Variants in RNF157 observed in about 807,000 individuals in gnomAD.
RNF157 encodes the protein E3 ubiquitin ligase RNF157.
RNF157 carries 55 observed loss-of-function variants against 88.3 expected under a neutral mutation model. The observed-to-expected ratio is 0.62, with a 90% CI of 0.50 to 0.78. The LOEUF (loss-of-function observed/expected upper bound fraction) is 0.78, where lower values mean the gene tolerates loss of function less well. Among genes scored for constraint, RNF157 ranks in the 30% least tolerant of loss-of-function variants. The pLI is 0.00. For synonymous variants in RNF157, 334 were observed against 341.2 expected (o/e 0.98, Z 0.23); for missense variants, 788 against 860.8 (o/e 0.92, Z 1.06).
chr17:76,195,042 G>C lies in RNF157; in HGVS notation c.207+17322C>G, dbSNP rs2069456864. On this transcript the variant is annotated intron_variant, in intron 2 of 18. Coordinates refer to ENST00000269391, the MANE Select transcript of RNF157 (RefSeq NM_052916.3). The surrounding 1 kb of genome is among the most constrained non-coding windows in gnomAD (Gnocchi z 4.4). ...AAAAACAAAACAAAACACAAGAGCA[G>C]AGGGAATGGGAGAGGATATTATAAT... Among the ~76,000 whole-genome samples the C allele has an allele frequency of 6.6e-6, 1 of 152,052 alleles. No homozygotes were observed. The highest frequency in any genetic ancestry group is 1.5e-5 in the Non-Finnish European group (1 of 67,992).
At chr17:76,197,945 T>C (rs754599945) in intron 2 of RNF157, among the ~76,000 whole-genome samples, 80 of 152,154 alleles carry the variant, frequency 5.3e-4, no homozygotes, top group Non-Finnish European at 9.7e-4. Flanking sequence ...GGCTTGCAAA[T>C]AGCCCTCTCC....
chr17:76,168,642 C>A (rs1271234055), intron 3 of RNF157, among the ~76,000 whole-genome samples: 1 of 152,064 alleles, frequency 6.6e-6, no homozygotes, highest in Non-Finnish European at 1.5e-5. Flanking sequence ...TCTCTCTCCC[C>A]CTCCAACATC....
intron 2 of RNF157, among the ~76,000 whole-genome samples, chr17:76,194,930 G>A (rs1437860368): frequency 1.3e-5 from 2 of 152,126 alleles, no homozygotes; most frequent in Non-Finnish European, 2.9e-5. Context: ...CAGCAGAATG[G>A]CGTGAACCCG....
At chr17:76,211,101 G>A (rs1187766630) in intron 2 of RNF157, among the ~76,000 whole-genome samples, 1 of 152,218 alleles carries the variant, frequency 6.6e-6, no homozygotes, top group Non-Finnish European at 1.5e-5. Flanking sequence ...CACTGTGCCT[G>A]GCCCACCTTT....
intron 2 of RNF157, among the ~76,000 whole-genome samples, chr17:76,210,405 A>G (rs544607622): frequency 6.6e-6 from 1 of 151,814 alleles, no homozygotes; most frequent in East Asian, 2.0e-4. Context: ...CCTGGCTAAC[A>G]CAGTGAAACC....
intron 7 of RNF157, 95 bp downstream of exon 7, chr17:76,165,407 C>A: frequency 1.6e-6 from 2 of 1,269,980 alleles, no homozygotes; most frequent in Non-Finnish European, 2.3e-6. Flanking sequence ...CAGACCCATT[C>A]TGCTGAGCTC....
In RNF157 at chr17:76,142,632, A is replaced by C. The variant is rs2068531907; in HGVS notation, c.*2603T>G. On this transcript the variant is annotated 3_prime_UTR_variant, in exon 19 of 19. Coordinates refer to ENST00000269391, the MANE Select transcript of RNF157 (RefSeq NM_052916.3). ...ATACACATGCACACACCAGGTGTGCAGACCAAAGCAAAGTGAGCGACCAGC... is the reference window on the plus strand; with the variant it reads ...ATACACATGCACACACCAGGTGTGCCGACCAAAGCAAAGTGAGCGACCAGC... 1.3e-5 allele frequency: 2 copies of C among 152,534 alleles called. No homozygotes were observed. The highest frequency in any genetic ancestry group is 3.9e-4 in the East Asian group (2 of 5,190). The allele number at this position is 152,534 out of a possible 1,614,324, so 9.4% of individuals were successfully genotyped here.
rs150080490 is a variant in RNF157, at chr17:76,148,906, C to A, written c.1921+3449G>T. Among the ~76,000 whole-genome samples the A allele has an allele frequency of 7.9e-5, 12 of 152,298 alleles. No individual in the cohort carries two copies. In the East Asian group the frequency reaches 2.1e-3, roughly 27 times the overall value. The stretch of plus-strand genomic sequence containing the variant: ...TTTTCCATCACTGACTACCCCAGGG[C>A]CTTCATAGAACTATCACTTGCCACG... On this transcript the variant is annotated intron_variant, in intron 18 of 18. Transcript: ENST00000269391.
chr17:76,161,728 C>A lies in RNF157; in HGVS notation c.953-81G>T. 1 of 1,519,828 alleles carries A rather than the reference C, an allele frequency of 6.6e-7. No individual in the cohort carries two copies. Among genetic ancestry groups the A allele is most frequent in the Non-Finnish European group, 9.0e-7 (1 of 1,107,226 alleles). 94.1% of individuals were successfully genotyped at this position (1,519,828 alleles called of 1,614,324 possible). A position where few individuals can be genotyped will look rare whatever the true frequency, so the allele number is the denominator to read the frequency against. On this transcript the variant is annotated intron_variant, in intron 10 of 18. Coordinates refer to ENST00000269391, the MANE Select transcript of RNF157 (RefSeq NM_052916.3). This position sits in a 1 kb window ranked among gnomAD's most constrained non-coding sequence, Gnocchi z 4.6. ...AAGAGCCCAGACAGAAACCATGATC[C>A]CTCCCAGCGCGCATCCGTTTGTCAG...
At chr17:76,213,328 G>C (rs1323488813) in intron 1 of RNF157, among the ~76,000 whole-genome samples, 1 of 152,090 alleles carries the variant, frequency 6.6e-6, no homozygotes, top group Non-Finnish European at 1.5e-5. Context: ...CCAGCACTTT[G>C]GGAGGCTGAG....
intron 18 of RNF157, among the ~76,000 whole-genome samples, chr17:76,151,629 G>A (rs560435942): frequency 6.6e-6 from 1 of 152,276 alleles, no homozygotes; most frequent in Admixed American, 6.5e-5. Context: ...GCCCTTGAAC[G>A]GGCACACTAA....
chr17:76,171,686 T>G (rs2069017053), intron 3 of RNF157, among the ~76,000 whole-genome samples: 1 of 152,226 alleles, frequency 6.6e-6, no homozygotes, highest in Non-Finnish European at 1.5e-5. Flanking sequence ...TCTGTTACCT[T>G]AATTTTGACA....
chr17:76,166,471 A>T lies in RNF157; in HGVS notation c.618T>A (p.Asp206Glu). Residue 206 changes from aspartate (D) to glutamate (E), a missense_variant, in exon 6 of 19, where the codon GAT (aspartate) becomes GAA (glutamate). Coordinates refer to ENST00000269391, the MANE Select transcript of RNF157 (RefSeq NM_052916.3). ...AGAAATCGCCCCTACCGTCTCCTTC[A>T]TCCACCACGGCATGTACCACTAGAG... ...VYPLVVHAVV[D>E]EGDEYFGHCH... The T allele has an allele frequency of 1.9e-6, 3 of 1,613,980 alleles. No individual in the cohort carries two copies. Among genetic ancestry groups the T allele is most frequent in the Non-Finnish European group, 1.7e-6 (2 of 1,179,884 alleles).
intron 2 of RNF157, among the ~76,000 whole-genome samples, chr17:76,204,271 C>T (rs1476469108): frequency 6.6e-6 from 1 of 152,186 alleles, no homozygotes; most frequent in African/African-American, 2.4e-5. Flanking sequence ...CTCCTCATCT[C>T]CCCTACCTAG....
intron 3 of RNF157, among the ~76,000 whole-genome samples, chr17:76,170,953 C>T (rs1035425942): frequency 6.6e-6 from 1 of 151,652 alleles, no homozygotes; most frequent in Non-Finnish European, 1.5e-5. Context: ...AGTGCAGTGG[C>T]ACAATCTCGC....
intron 18 of RNF157, among the ~76,000 whole-genome samples, chr17:76,151,743 A>G (rs1484477267): frequency 6.6e-6 from 1 of 152,234 alleles, no homozygotes; most frequent in Non-Finnish European, 1.5e-5. Context: ...GCACTCTGAC[A>G]ACCTGATCAC....
At position 76,159,319 on chromosome 17, in the gene RNF157, A is replaced by G; in HGVS notation, c.1304+16T>C. On this transcript the variant is annotated intron_variant, in intron 12 of 18. Coordinates refer to ENST00000269391, the MANE Select transcript of RNF157 (RefSeq NM_052916.3). ...AAGGATTCCGGGGGCAACAGTGTGG[A>G]GCACTGGCTACTCACTTGGAGAGAC... is the stretch of plus-strand genomic sequence containing the variant. The G allele has an allele frequency of 6.3e-7, 1 of 1,598,326 alleles. No individual in the cohort carries two copies. The highest frequency in any genetic ancestry group is 2.2e-5 in the East Asian group (1 of 44,820).
intron 3 of RNF157, among the ~76,000 whole-genome samples, chr17:76,168,301 G>C (rs1432370892): frequency 6.6e-6 from 1 of 152,082 alleles, no homozygotes; most frequent in Non-Finnish European, 1.5e-5. Context: ...CATCCCCCCA[G>C]TGTAGCTGCA....
chr17:76,225,547 G>C (rs1018019992), intron 1 of RNF157, among the ~76,000 whole-genome samples: 1 of 151,934 alleles, frequency 6.6e-6, no homozygotes, highest in African/African-American at 2.4e-5. Context: ...CATATTGTCT[G>C]CATAATTGAA....
Sources: allele counts gnomAD v4.1 joint callset (sites outside exome capture counted in the v4.1 genomes callset), GRCh38; gene constraint gnomAD v4.1.1; non-coding constraint Gnocchi (gnomAD v3.1); transcripts MANE v1.5; gene names NCBI Gene and HGNC (gene_info 2026-07-23, HGNC 2026-07-21).